The following NCKAP5 variants were observed in gnomAD, a reference collection of about 807,000 sequenced individuals.
NCKAP5 encodes the protein nck-associated protein 5.
In NCKAP5, 92 loss-of-function variants were observed where a neutral mutation model predicts 167.0. The ratio of observed to expected loss-of-function variants is 0.55; its 90% CI spans 0.47 to 0.66. The LOEUF is 0.66. NCKAP5 is among the 30% of genes least tolerant of loss of function. The probability of loss-of-function intolerance (pLI) is 0.00; values close to 1 mark genes in which losing one functional copy is unlikely to be tolerated. For synonymous variants in NCKAP5, 891 were observed against 877.4 expected, an observed-to-expected ratio of 1.02 and a Z score of -0.27; for missense variants, 2,378 against 2,315.0, an observed-to-expected ratio of 1.03 and a Z score of -0.56.
At chr2:133,614,187 C>A in the NCKAP5 span, among the ~76,000 whole-genome samples, 1 of 152,150 alleles carries the variant, frequency 6.6e-6, no homozygotes, top group African/African-American at 2.4e-5. Flanking sequence ...CTTGCTTTCT[C>A]AACAGGGAGT....
rs997712453 is a variant in NCKAP5, at chr2:132,790,247, G to A, written c.910-42C>T. The A allele has an allele frequency of 5.2e-6, 8 of 1,552,880 alleles. No homozygotes were observed. In the African/African-American group the frequency reaches 1.1e-4, roughly 21 times the overall value. ...GCTCTGAGCAAGGGCTTTGCTCAGA[G>A]GAGAGTAAATATCAACACAACCTTA... is the stretch of plus-strand genomic sequence containing the variant. On this transcript the variant is annotated intron_variant, in intron 12 of 19. Coordinates refer to ENST00000409261, the MANE Select transcript of NCKAP5 (RefSeq NM_207363.3).
chr2:132,780,071 C>T (rs1682889783), intron 15 of NCKAP5, among the ~76,000 whole-genome samples: 1 of 152,154 alleles, frequency 6.6e-6, no homozygotes, highest in Non-Finnish European at 1.5e-5. Flanking sequence ...AGAGTAAGTG[C>T]AATTTAAGGT....
chr2:133,547,682 G>A (rs910032321), intron 2 of NCKAP5, among the ~76,000 whole-genome samples: 9 of 151,088 alleles, frequency 6.0e-5, no homozygotes, highest in Admixed American at 2.6e-4. Flanking sequence ...CTGTTAGAAG[G>A]AAAACTAACA....
chr2:133,146,433 C>T (rs1003885883), intron 5 of NCKAP5, among the ~76,000 whole-genome samples: 1 of 152,042 alleles, frequency 6.6e-6, no homozygotes, highest in African/African-American at 2.4e-5. Flanking sequence ...AGCACTACTA[C>T]CTTAAGAAAA....
chr2:132,841,851 C>G (rs1211748926), intron 11 of NCKAP5, among the ~76,000 whole-genome samples: 1 of 152,076 alleles, frequency 6.6e-6, no homozygotes, highest in Non-Finnish European at 1.5e-5. Flanking sequence ...TCTGGCACTT[C>G]AGAAATTGCC....
intron 10 of NCKAP5, among the ~76,000 whole-genome samples, chr2:132,864,192 A>C (rs1690159880): frequency 6.6e-6 from 1 of 152,160 alleles, no homozygotes; most frequent in Non-Finnish European, 1.5e-5. Flanking sequence ...CTCTCTCATA[A>C]TCCTTCTTTT....
In NCKAP5 at chr2:133,204,212, C is replaced by G. The variant is rs137980032; in HGVS notation, c.207+9504G>C. Reference sequence around the variant, plus strand: ...ATTATGGTTTTATTTTTAATTTCAGCATTTTTATTTAAATTTTCTATCAGA... The same window carrying G: ...ATTATGGTTTTATTTTTAATTTCAGGATTTTTATTTAAATTTTCTATCAGA... On this transcript the variant is annotated intron_variant, in intron 5 of 19. Transcript: ENST00000409261. 1.2e-3 allele frequency among the ~76,000 whole-genome samples: 180 copies of G among 152,192 alleles called. 1 individual carries two copies. Among genetic ancestry groups the G allele is most frequent in the African/African-American group, 3.8e-3 (158 of 41,528 alleles).
intron 11 of NCKAP5, among the ~76,000 whole-genome samples, chr2:132,819,784 A>T (rs1216331159): frequency 6.6e-6 from 1 of 152,154 alleles, no homozygotes; most frequent in Non-Finnish European, 1.5e-5. Context: ...CTGCCACCCT[A>T]CTTCAATTTG....
chr2:132,739,930 C>G (rs187673773), intron 16 of NCKAP5, among the ~76,000 whole-genome samples: 1 of 152,248 alleles, frequency 6.6e-6, no homozygotes, highest in East Asian at 1.9e-4. Context: ...CTGATTCTCC[C>G]TTGTTTACAG....
At chr2:132,924,707 T>C in intron 8 of NCKAP5, among the ~76,000 whole-genome samples, 1 of 152,178 alleles carries the variant, frequency 6.6e-6, no homozygotes, top group East Asian at 1.9e-4. Context: ...TACATATACA[T>C]CAGGGATTTC....
chr2:132,861,837 A>C (rs1689939093), intron 10 of NCKAP5, among the ~76,000 whole-genome samples: 1 of 152,180 alleles, frequency 6.6e-6, no homozygotes, highest in African/African-American at 2.4e-5. Flanking sequence ...TACACGACAC[A>C]TTTTTCACCA....
At chr2:133,103,558 C>A (rs1042366447) in intron 6 of NCKAP5, among the ~76,000 whole-genome samples, 9 of 152,114 alleles carry the variant, frequency 5.9e-5, no homozygotes, top group African/African-American at 2.2e-4. Flanking sequence ...CTTTGGGAGG[C>A]CACAGTGAGA....
At chr2:133,349,998 C>T (rs1489674107) in intron 3 of NCKAP5, among the ~76,000 whole-genome samples, 1 of 152,148 alleles carries the variant, frequency 6.6e-6, no homozygotes, top group Non-Finnish European at 1.5e-5. Context: ...CATAGCTTTC[C>T]CCATGATAAT....
intron 9 of NCKAP5, among the ~76,000 whole-genome samples, chr2:132,871,346 C>T (rs912149659): frequency 2.0e-5 from 3 of 152,048 alleles, no homozygotes; most frequent in Non-Finnish European, 4.4e-5. Flanking sequence ...ACAGAAGAAT[C>T]GAACTATTCA....
At chr2:132,853,641 A>G (rs1689245631) in intron 11 of NCKAP5, among the ~76,000 whole-genome samples, 1 of 152,192 alleles carries the variant, frequency 6.6e-6, no homozygotes, top group Admixed American at 6.5e-5. Context: ...GAGGGAGTAG[A>G]ATGGGGAGAT....
At chr2:133,107,475 A>T (rs570888785) in intron 6 of NCKAP5, among the ~76,000 whole-genome samples, 81 of 152,378 alleles carry the variant, frequency 5.3e-4, no homozygotes, top group African/African-American at 1.8e-3. Flanking sequence ...ATGTAAATAC[A>T]TGTGTTAATT....
intron 6 of NCKAP5, among the ~76,000 whole-genome samples, chr2:133,100,644 G>A (rs2081481420): frequency 6.6e-6 from 1 of 152,136 alleles, no homozygotes; most frequent in African/African-American, 2.4e-5. Flanking sequence ...AAACTTGGAA[G>A]AAGTATCTCA....
intron 3 of NCKAP5, among the ~76,000 whole-genome samples, chr2:133,403,542 T>C (rs1172638288): frequency 6.6e-6 from 1 of 152,198 alleles, no homozygotes; most frequent in Non-Finnish European, 1.5e-5. Context: ...CTATATTTCA[T>C]ATCCATGTGA....
chr2:133,391,691 C>A (rs1687420767), intron 3 of NCKAP5, among the ~76,000 whole-genome samples: 1 of 152,174 alleles, frequency 6.6e-6, no homozygotes, highest in African/African-American at 2.4e-5. Flanking sequence ...AATCCAGGCC[C>A]TCACCATTTC....
Sources: gnomAD v4.1 joint callset for allele counts (sites outside exome capture counted in the v4.1 genomes callset) on GRCh38, gnomAD v4.1.1 for gene constraint, MANE v1.5 for transcripts, NCBI Gene and HGNC (gene_info 2026-07-23, HGNC 2026-07-21) for gene names.